LSM14A: variants seen among roughly 807,000 people sequenced by gnomAD.
The protein encoded by LSM14A is LSM14A mRNA processing body assembly factor.
In LSM14A, 14 loss-of-function variants were observed where a neutral mutation model predicts 52.4. That is an observed-to-expected ratio of 0.27 (90% CI 0.18 to 0.42). The LOEUF (loss-of-function observed/expected upper bound fraction) is 0.42. Ranked by LOEUF, LSM14A falls within the 10% of genes least tolerant of loss-of-function variation. LSM14A has a pLI of 1.00. For synonymous variants in LSM14A, 185 were observed against 200.3 expected (o/e 0.92, Z 0.64); for missense variants, 417 against 581.8 (o/e 0.72, Z 2.91).
At chr19:34,222,356 T>A (rs1396567931) in intron 9 of LSM14A, among the ~76,000 whole-genome samples, 2 of 152,356 alleles carry the variant, frequency 1.3e-5, no homozygotes, top group Admixed American at 1.3e-4. Context: ...TATATTGGCC[T>A]TCAGGAGCTA....
At chr19:34,177,248 A>G (rs1209094978) in intron 1 of LSM14A, among the ~76,000 whole-genome samples, 1 of 152,080 alleles carries the variant, frequency 6.6e-6, no homozygotes, top group Non-Finnish European at 1.5e-5. Context: ...TCAGTTTTTT[A>G]TGGCTAGTGT....
At chr19:34,205,368 C>G (rs888220075) in intron 3 of LSM14A, among the ~76,000 whole-genome samples, 1 of 151,418 alleles carries the variant, frequency 6.6e-6, no homozygotes, top group Non-Finnish European at 1.5e-5. Flanking sequence ...TGCCTGTAAT[C>G]CCAGCTACTC....
chr19:34,214,816 A>G (rs1599712454), intron 4 of LSM14A, among the ~76,000 whole-genome samples: 2 of 142,744 alleles, frequency 1.4e-5, no homozygotes, highest in Admixed American at 1.4e-4. Context: ...CCTGGCAGCA[A>G]TTTTTTTTTT....
chr19:34,195,123 G>GA (rs909410006), intron 2 of LSM14A: 14 of 159,042 alleles, frequency 8.8e-5, no homozygotes, highest in Non-Finnish European at 1.8e-4. Flanking sequence ...GCTTAATGGG[G>GA]AAAAAAAAGC....
intron 3 of LSM14A, among the ~76,000 whole-genome samples, chr19:34,207,657 G>A (rs1599701543): frequency 1.3e-5 from 2 of 151,756 alleles, no homozygotes; most frequent in African/African-American, 4.8e-5. Flanking sequence ...TCAGCCTCCT[G>A]AGTAGCTGGG....
chr19:34,184,572 A>G (rs1390376973), intron 1 of LSM14A, among the ~76,000 whole-genome samples: 2 of 152,204 alleles, frequency 1.3e-5, no homozygotes, highest in Non-Finnish European at 2.9e-5. Flanking sequence ...TTATTTACAT[A>G]CAGAAACATT....
chr19:34,212,108 G>A (rs1260628), intron 4 of LSM14A, among the ~76,000 whole-genome samples: 5 of 151,862 alleles, frequency 3.3e-5, no homozygotes, highest in South Asian at 2.1e-4. Flanking sequence ...AACATTTTGC[G>A]AGTTCAAGAT....
intron 9 of LSM14A, among the ~76,000 whole-genome samples, chr19:34,223,476 A>T (rs956497703): frequency 1.3e-5 from 2 of 152,152 alleles, no homozygotes; most frequent in Non-Finnish European, 2.9e-5. Flanking sequence ...AACCTTCCTC[A>T]GACTGATCTC....
In LSM14A at chr19:34,229,227, C is replaced by A. The variant is rs750164718; in HGVS notation, c.*1839C>A. The A allele has an allele frequency of 5.9e-5, 9 of 152,188 alleles. No homozygotes were observed. Among genetic ancestry groups the A allele is most frequent in the African/African-American group, 9.7e-5 (4 of 41,440 alleles). The allele number at this position is 152,188 out of a possible 1,614,324, so 9.4% of individuals were successfully genotyped here. On this transcript the variant is annotated 3_prime_UTR_variant, in exon 10 of 10. Coordinates refer to ENST00000544216, the MANE Select transcript of LSM14A (RefSeq NM_015578.4). The stretch of plus-strand genomic sequence containing the variant: ...CTGGCAGCATGGCATACCTGCAGTA[C>A]CCCTTACAATATTAAAGCAAAGTTT...
chr19:34,205,539 G>A (rs2071633921), intron 3 of LSM14A, among the ~76,000 whole-genome samples: 1 of 150,638 alleles, frequency 6.6e-6, no homozygotes. Flanking sequence ...ATGGTTAGCT[G>A]GGCATGGTGG....
chr19:34,176,727 C>T (rs2069113420), intron 1 of LSM14A, among the ~76,000 whole-genome samples: 1 of 152,092 alleles, frequency 6.6e-6, no homozygotes, highest in African/African-American at 2.4e-5. Flanking sequence ...ATAAACAATG[C>T]TTTTATGAAC....
At position 34,219,688 on chromosome 19, in the gene LSM14A, A is replaced by T. The variant is rs773558279; in HGVS notation, c.965-18A>T. The T allele has an allele frequency of 6.3e-7, 1 of 1,598,114 alleles. No individual in the cohort carries two copies. Among genetic ancestry groups the T allele is most frequent in the East Asian group, 2.2e-5 (1 of 44,756 alleles). ...GATTAGCTGTCTTGACTTTTCTGAT[A>T]TGTGCTTTTGTTCTTAGAAGATAAA... On this transcript the variant is annotated intron_variant, in intron 7 of 9. Coordinates refer to ENST00000544216, the MANE Select transcript of LSM14A (RefSeq NM_015578.4).
At chr19:34,209,859 TA>T (rs985605081) in intron 4 of LSM14A, among the ~76,000 whole-genome samples, 7 of 151,250 alleles carry the variant, frequency 4.6e-5, no homozygotes, top group African/African-American at 1.7e-4. Flanking sequence ...TTTTTTTTTT[TA>T]AAGATAGGTC....
intron 3 of LSM14A, among the ~76,000 whole-genome samples, chr19:34,203,942 T>G (rs1460649892): frequency 6.8e-6 from 1 of 147,450 alleles, no homozygotes; most frequent in African/African-American, 2.5e-5. Flanking sequence ...AACTATATTA[T>G]GTTTATAAGA....
At chr19:34,203,572 A>T (rs2071455362) in intron 3 of LSM14A, among the ~76,000 whole-genome samples, 1 of 152,032 alleles carries the variant, frequency 6.6e-6, no homozygotes, top group South Asian at 2.1e-4. Context: ...GGCTGAGACG[A>T]GTGAATCATT....
intron 1 of LSM14A, among the ~76,000 whole-genome samples, chr19:34,176,965 C>G (rs2069131001): frequency 1.3e-5 from 2 of 152,200 alleles, no homozygotes; most frequent in Non-Finnish European, 2.9e-5. Flanking sequence ...CAATTCTAGC[C>G]AATCCTGGTG....
At chr19:34,199,538 A>T (rs1357239734) in intron 3 of LSM14A, among the ~76,000 whole-genome samples, 1 of 152,214 alleles carries the variant, frequency 6.6e-6, no homozygotes, top group Non-Finnish European at 1.5e-5. Context: ...AGATATAAAT[A>T]TGGAATGGGA....
intron 2 of LSM14A, 98 bp from the exon 3 acceptor site, chr19:34,196,530 GTTATAA>G (rs1238223287): frequency 1.4e-5 from 16 of 1,124,230 alleles, no homozygotes; most frequent in South Asian, 2.0e-5. Flanking sequence ...ATATCTAGTA[GTTATAA>G]TTTAATAGTT....
Position 34,228,370 on chromosome 19 carries a change from C to T in LSM14A, c.*982C>T, listed in dbSNP as rs577737442. Reference sequence around the variant, plus strand: ...GTAAATAATCACAGATGAGAATGTACTTAGCTGTATTTTCAAATAAGTAAT... The same window carrying T: ...GTAAATAATCACAGATGAGAATGTATTTAGCTGTATTTTCAAATAAGTAAT... On this transcript the variant is annotated 3_prime_UTR_variant, in exon 10 of 10. Coordinates refer to ENST00000544216, the MANE Select transcript of LSM14A (RefSeq NM_015578.4). The T allele has an allele frequency of 1.3e-5, 2 of 152,698 alleles. No individual in the cohort carries two copies. The highest frequency in any genetic ancestry group is 2.9e-5 in the Non-Finnish European group (2 of 68,028). The allele number at this position is 152,698 out of a possible 1,614,324, so 9.5% of individuals were successfully genotyped here. A position where few individuals can be genotyped will look rare whatever the true frequency, so the allele number is the denominator to read the frequency against.
Sources: gnomAD v4.1 joint callset for allele counts (sites outside exome capture counted in the v4.1 genomes callset) on GRCh38, gnomAD v4.1.1 for gene constraint, MANE v1.5 for transcripts, NCBI Gene and HGNC (gene_info 2026-07-23, HGNC 2026-07-21) for gene names.